GALNT18: variants seen among roughly 807,000 people sequenced by gnomAD.
GALNT18 encodes the protein polypeptide N-acetylgalactosaminyltransferase 18, also known as GalNAc-transferase 18.
GALNT18 carries 44 observed loss-of-function variants against 69.5 expected under a neutral mutation model. The ratio of observed to expected loss-of-function variants is 0.63; its 90% confidence interval spans 0.50 to 0.81. The LOEUF is 0.81. Among genes scored for constraint, GALNT18 ranks in the 40% least tolerant of loss-of-function variants. The pLI, the probability that GALNT18 is intolerant of heterozygous loss-of-function variation, is 0.00. For synonymous variants in GALNT18, 364 were observed against 318.2 expected, an observed-to-expected ratio of 1.14 and a Z score of -1.53; for missense variants, 715 against 810.0, an observed-to-expected ratio of 0.88 and a Z score of 1.42.
intron 3 of GALNT18, among the ~76,000 whole-genome samples, chr11:11,384,651 C>T (rs1220188836): frequency 6.6e-6 from 1 of 152,172 alleles, no homozygotes; most frequent in South Asian, 2.1e-4. Flanking sequence ...CCAGAGAGTG[C>T]TCTTTTCCTC....
At chr11:11,390,919 C>T (rs1374503649) in intron 3 of GALNT18, among the ~76,000 whole-genome samples, 3 of 152,218 alleles carry the variant, frequency 2.0e-5, no homozygotes, top group African/African-American at 7.2e-5. Context: ...AGCCTCAGTT[C>T]TCTCTTCTAC....
At chr11:11,423,953 C>G (rs1193130168) in intron 3 of GALNT18, among the ~76,000 whole-genome samples, 1 of 152,220 alleles carries the variant, frequency 6.6e-6, no homozygotes, top group African/African-American at 2.4e-5. Context: ...GGCGCCTGGT[C>G]AGGACTCTTT....
chr11:11,393,112 C>G (rs185619145), intron 3 of GALNT18, among the ~76,000 whole-genome samples: 4 of 152,326 alleles, frequency 2.6e-5, no homozygotes, highest in Admixed American at 2.6e-4. Context: ...GTGGGGCTGA[C>G]CCTCAGTTTG....
intron 1 of GALNT18, among the ~76,000 whole-genome samples, chr11:11,504,037 C>T (rs1207793979): frequency 1.3e-5 from 2 of 152,246 alleles, no homozygotes; most frequent in African/African-American, 4.8e-5. Context: ...TCTTCTCTCT[C>T]TTGGCCTGAG....
intron 6 of GALNT18, chr11:11,353,357 C>T: frequency 1.7e-6 from 1 of 597,170 alleles, no homozygotes; most frequent in Non-Finnish European, 2.9e-6. Context: ...ATCTGAGAGT[C>T]ATTTTTATCA....
At chr11:11,545,035 G>C (rs1858016556) in intron 1 of GALNT18, among the ~76,000 whole-genome samples, 1 of 152,220 alleles carries the variant, frequency 6.6e-6, no homozygotes, top group Non-Finnish European at 1.5e-5. Context: ...CAGAGTATCA[G>C]ATCATTCCAT....
intron 1 of GALNT18, among the ~76,000 whole-genome samples, chr11:11,594,125 T>C: frequency 6.6e-6 from 1 of 152,186 alleles, no homozygotes; most frequent in East Asian, 1.9e-4. Context: ...AGCACAGTAT[T>C]TTTTTAGAAG....
intron 2 of GALNT18, among the ~76,000 whole-genome samples, chr11:11,438,825 G>C (rs1379346324): frequency 2.8e-5 from 3 of 107,754 alleles, no homozygotes; most frequent in African/African-American, 8.7e-5. Context: ...GGACAACATG[G>C]ACAAATACGA....
At chr11:11,319,433 G>A (rs1849808339) in intron 9 of GALNT18, among the ~76,000 whole-genome samples, 1 of 152,182 alleles carries the variant, frequency 6.6e-6, no homozygotes, top group South Asian at 2.1e-4. Context: ...ATTTCCCAGG[G>A]CCAAGAACAG....
intron 6 of GALNT18, chr11:11,353,239 A>AAGCGGC: frequency 1.6e-6 from 2 of 1,285,738 alleles, no homozygotes; most frequent in Non-Finnish European, 2.2e-6. Context: ...ACTGTGGTGG[A>AAGCGGC]AGCGGCAGCG....
At position 11,339,088 on chromosome 11, in the gene GALNT18, A is replaced by G. The variant is rs1268850147; in HGVS notation, c.1278+1731T>C. ...GGAGATGAAGAAATATTGACTCTGT[A>G]CAAGTTTGATAAGAGGAAGGAGAGG... On this transcript the variant is annotated intron_variant, in intron 7 of 10. Transcript: ENST00000227756. This position sits in a 1 kb window ranked among gnomAD's most constrained non-coding sequence, Gnocchi z 5.2. Among the ~76,000 whole-genome samples, 1 of 152,208 alleles carries G rather than the reference A, an allele frequency of 6.6e-6. No homozygotes were observed. Among genetic ancestry groups the G allele is most frequent in the African/African-American group, 2.4e-5 (1 of 41,436 alleles).
chr11:11,438,475 T>C (rs1428264731), intron 2 of GALNT18, among the ~76,000 whole-genome samples: 4 of 152,244 alleles, frequency 2.6e-5, no homozygotes, highest in East Asian at 3.8e-4. Context: ...CTTGTTTAGA[T>C]GTTTTTACTA....
At chr11:11,608,983 T>A (rs1469040913) in intron 1 of GALNT18, among the ~76,000 whole-genome samples, 3 of 152,248 alleles carry the variant, frequency 2.0e-5, no homozygotes, top group African/African-American at 7.2e-5. Context: ...TAACCCTCAT[T>A]ACATGAGTTA....
rs987032315 is a variant in GALNT18, at chr11:11,603,678, T to C, written c.235+17681A>G. Among the ~76,000 whole-genome samples, 3 of 152,198 alleles carry C rather than the reference T, an allele frequency of 2.0e-5. No individual in the cohort carries two copies. The highest frequency in any genetic ancestry group is 7.2e-5 in the African/African-American group (3 of 41,456). ...AACTCATTTTCTCTCCCTAAAAAGA[T>C]CTATGGATTTTATTGGATCCAGTGT... On this transcript the variant is annotated intron_variant, in intron 1 of 10. Coordinates refer to ENST00000227756, the MANE Select transcript of GALNT18 (RefSeq NM_198516.3). The surrounding 1 kb of genome is among the most constrained non-coding windows in gnomAD (Gnocchi z 4.5).
chr11:11,457,439 G>C (rs1855948350), intron 1 of GALNT18, among the ~76,000 whole-genome samples: 1 of 152,222 alleles, frequency 6.6e-6, no homozygotes, highest in Non-Finnish European at 1.5e-5. Context: ...CCTCTTCCTA[G>C]GCAAGAATCT....
chr11:11,416,301 G>C (rs1854855462), intron 3 of GALNT18, among the ~76,000 whole-genome samples: 1 of 152,182 alleles, frequency 6.6e-6, no homozygotes, highest in African/African-American at 2.4e-5. Context: ...TTGGTGACAA[G>C]TTAATTCCTT....
At chr11:11,354,784 C>A (rs771091485) in intron 6 of GALNT18, among the ~76,000 whole-genome samples, 1 of 152,140 alleles carries the variant, frequency 6.6e-6, no homozygotes, top group Non-Finnish European at 1.5e-5. Flanking sequence ...TCATGTGTCT[C>A]AGGCATCTCA....
At chr11:11,594,255 C>G (rs541656694) in intron 1 of GALNT18, among the ~76,000 whole-genome samples, 1 of 152,340 alleles carries the variant, frequency 6.6e-6, no homozygotes, top group East Asian at 1.9e-4. Context: ...TGGAAAAGCT[C>G]TAGCCTGAGT....
In GALNT18 at chr11:11,372,575, G is replaced by A. The variant is rs761747627; in HGVS notation, c.1032C>T (p.Ile344=). ...CTTCCATGCCTTCGTCCAGCAGGCC[G>A]ATCTCCTGGAAGTACTGCCGGTCCA... ...FIVDRQYFQE[I]GLLDEGMEVY... Residue 344 remains isoleucine, a synonymous_variant, in exon 6 of 11, where the codon ATC becomes ATT. Coordinates refer to ENST00000227756, the MANE Select transcript of GALNT18 (RefSeq NM_198516.3). This position sits in a 1 kb window ranked among gnomAD's most constrained non-coding sequence, Gnocchi z 4.9. 143 of 1,614,088 alleles carry A rather than the reference G, an allele frequency of 8.9e-5. No homozygotes were observed. The highest frequency in any genetic ancestry group is 1.1e-4 in the Non-Finnish European group (133 of 1,180,044).
Sources: allele counts gnomAD v4.1 joint callset (sites outside exome capture counted in the v4.1 genomes callset), GRCh38; gene constraint gnomAD v4.1.1; non-coding constraint Gnocchi (gnomAD v3.1); transcripts MANE v1.5; gene names NCBI Gene and HGNC (gene_info 2026-07-23, HGNC 2026-07-21).